PAX7: variants seen among roughly 807,000 people sequenced by gnomAD.
PAX7 encodes paired box 7, also known as paired box protein Pax-7.
A neutral mutation model predicts 50.7 loss-of-function variants in PAX7; 18 were observed. The observed-to-expected ratio is 0.36, with a 90% CI of 0.25 to 0.53. The LOEUF is 0.53. Ranked by LOEUF, PAX7 falls within the 20% of genes least tolerant of loss-of-function variation. The probability of loss-of-function intolerance (pLI) is 0.93; values close to 1 mark genes in which losing one functional copy is unlikely to be tolerated. For missense variants in PAX7, 644 were observed against 702.9 expected (o/e 0.92, Z 0.95); for synonymous variants, 310 against 290.4 (o/e 1.07, Z -0.69).
Position 18,635,099 on chromosome 1 carries a change from C to T in PAX7, c.322-12C>T. 1 of 1,613,388 alleles carries T rather than the reference C, an allele frequency of 6.2e-7. No homozygotes were observed. Among genetic ancestry groups the T allele is most frequent in the Non-Finnish European group, 8.5e-7 (1 of 1,179,592 alleles). ...TCTTTCCACTCCTACTCTCCCACCTCCACCTCTGAAGCAGGTGGCGACTCC... is the reference window on the plus strand; with the variant it reads ...TCTTTCCACTCCTACTCTCCCACCTTCACCTCTGAAGCAGGTGGCGACTCC... On this transcript the variant is annotated splice_polypyrimidine_tract_variant and intron_variant, in intron 2 of 8. Transcript: ENST00000420770.
chr1:18,717,904 G>T (rs554655389), intron 7 of PAX7, among the ~76,000 whole-genome samples: 2 of 152,296 alleles, frequency 1.3e-5, no homozygotes, highest in East Asian at 3.9e-4. Context: ...GCCTAGGGAG[G>T]GTCTGCAGCC....
At chr1:18,714,961 G>C (rs2089400016) in intron 7 of PAX7, among the ~76,000 whole-genome samples, 1 of 152,254 alleles carries the variant, frequency 6.6e-6, no homozygotes, top group Non-Finnish European at 1.5e-5. Context: ...AATTAATACA[G>C]CAGGCAGACT....
intron 4 of PAX7, among the ~76,000 whole-genome samples, chr1:18,657,649 A>C (rs1389666176): frequency 1.3e-5 from 2 of 152,188 alleles, no homozygotes; most frequent in Non-Finnish European, 2.9e-5. Flanking sequence ...GGGAAGCAGA[A>C]TTCAGGGGCC....
At chr1:18,672,600 T>G (rs1051161725) in intron 4 of PAX7, among the ~76,000 whole-genome samples, 2 of 146,734 alleles carry the variant, frequency 1.4e-5, no homozygotes, top group African/African-American at 2.6e-5. Flanking sequence ...CACTGTGTTT[T>G]TTTTTTTTTT....
At position 18,748,359 on chromosome 1, in the gene PAX7, A is replaced by G. The variant is rs57345079; in HGVS notation, c.*3430A>G. 9.7e-3 allele frequency: 2,231 copies of G among 229,956 alleles called. 48 individuals carry two copies. The highest frequency in any genetic ancestry group is 0.045 in the African/African-American group (2,054 of 45,230). The allele number at this position is 229,956 out of a possible 1,614,324, so 14.2% of individuals were successfully genotyped here. ...CCTCTCTCAGGCTGATGTTCTTCTC[A>G]TCAAGCTCCCGAATGTGTCTCGCAC... On this transcript the variant is annotated 3_prime_UTR_variant, in exon 9 of 9. Transcript: ENST00000420770.
intron 8 of PAX7, 62 bp from the exon 9 acceptor site, chr1:18,744,752 A>G (rs1931354772): frequency 1.1e-6 from 1 of 879,050 alleles, no homozygotes; most frequent in African/African-American, 1.7e-5. Flanking sequence ...GTGTAGATAG[A>G]GTGAATGGAA....
intron 4 of PAX7, among the ~76,000 whole-genome samples, chr1:18,657,375 A>T (rs990030753): frequency 4.0e-5 from 6 of 151,870 alleles, no homozygotes; most frequent in African/African-American, 9.7e-5. Flanking sequence ...AGGAGGAAAA[A>T]CTGGCCCCAT....
At chr1:18,655,425 A>C (rs1002065878) in intron 4 of PAX7, among the ~76,000 whole-genome samples, 3 of 152,218 alleles carry the variant, frequency 2.0e-5, no homozygotes, top group African/African-American at 7.2e-5. Flanking sequence ...GAAGGGGGCC[A>C]ACCGGGATGA....
intron 5 of PAX7, among the ~76,000 whole-genome samples, 155 bp downstream of exon 5, chr1:18,692,108 CAG>C (rs1016076825): frequency 8.6e-5 from 13 of 151,878 alleles, no homozygotes; most frequent in Non-Finnish European, 1.5e-4. Context: ...GCATTTGATG[CAG>C]AGTTAGTTGG....
chr1:18,663,648 C>T (rs2088629938), intron 4 of PAX7, among the ~76,000 whole-genome samples: 1 of 152,234 alleles, frequency 6.6e-6, no homozygotes, highest in Non-Finnish European at 1.5e-5. Context: ...TCCCAAAGTG[C>T]TGGGCTTACA....
intron 7 of PAX7, among the ~76,000 whole-genome samples, chr1:18,721,009 C>T (rs1213817971): frequency 2.0e-5 from 3 of 152,052 alleles, no homozygotes; most frequent in Non-Finnish European, 4.4e-5. Flanking sequence ...ACCACCTGCT[C>T]CCCCATGTTG....
chr1:18,672,376 C>CT (rs551856258), intron 4 of PAX7, among the ~76,000 whole-genome samples: 7 of 151,994 alleles, frequency 4.6e-5, no homozygotes, highest in Non-Finnish European at 7.4e-5. Flanking sequence ...AAAATATCAA[C>CT]TTTTTTTTGT....
At chr1:18,727,004 A>G (rs1385670329) in intron 7 of PAX7, among the ~76,000 whole-genome samples, 1 of 152,248 alleles carries the variant, frequency 6.6e-6, no homozygotes, top group African/African-American at 2.4e-5. Flanking sequence ...TGCCCTATAC[A>G]TGTGCAGTGC....
chr1:18,746,086 G>C lies in PAX7; in HGVS notation c.*1157G>C, dbSNP rs1297968415. On this transcript the variant is annotated 3_prime_UTR_variant, in exon 9 of 9. Coordinates refer to ENST00000420770, the MANE Select transcript of PAX7 (RefSeq NM_001135254.2). ...CCCTTTCAGTTTGTGGGGATGCAGA[G>C]AGCTACCCTCAGAGCTTTGGAGGAG... is the stretch of plus-strand genomic sequence containing the variant. 1 of 231,864 alleles carries C rather than the reference G, an allele frequency of 4.3e-6. No individual in the cohort carries two copies. Among genetic ancestry groups the C allele is most frequent in the Non-Finnish European group, 8.5e-6 (1 of 117,272 alleles). 14.4% of individuals were successfully genotyped at this position (231,864 alleles called of 1,614,324 possible). A position where few individuals can be genotyped will look rare whatever the true frequency, so the allele number is the denominator to read the frequency against.
intron 7 of PAX7, among the ~76,000 whole-genome samples, chr1:18,715,158 C>G (rs11587529): frequency 0.038 from 5,854 of 152,182 alleles, 174 homozygotes; most frequent in South Asian, 0.11. Flanking sequence ...CTCCCTTGGC[C>G]GGGAACACCT....
At position 18,745,006 on chromosome 1, in the gene PAX7, C is replaced by A; in HGVS notation, c.*77C>A. ...CCCCTGAGCTTCCCAGCCTTGCCGCCTCACCCCCCTGTTGTCCTAGGAGGC... is the reference window on the plus strand; with the variant it reads ...CCCCTGAGCTTCCCAGCCTTGCCGCATCACCCCCCTGTTGTCCTAGGAGGC... On this transcript the variant is annotated 3_prime_UTR_variant, in exon 9 of 9. Transcript: ENST00000420770. The A allele has an allele frequency of 1.2e-6, 1 of 829,090 alleles. No homozygotes were observed. The highest frequency in any genetic ancestry group is 1.5e-5 in the South Asian group (1 of 64,550). 51.4% of individuals were successfully genotyped at this position (829,090 alleles called of 1,614,324 possible). A position where few individuals can be genotyped will look rare whatever the true frequency, so the allele number is the denominator to read the frequency against.
chr1:18,646,887 C>T (rs2088349520), intron 4 of PAX7, among the ~76,000 whole-genome samples: 1 of 145,818 alleles, frequency 6.9e-6, no homozygotes, highest in African/African-American at 2.5e-5. Context: ...CGCGGGGCGG[C>T]GCGGCGCGGG....
intron 7 of PAX7, among the ~76,000 whole-genome samples, chr1:18,728,814 G>A (rs1024842371): frequency 7.3e-5 from 11 of 150,514 alleles, no homozygotes; most frequent in East Asian, 2.0e-4. Flanking sequence ...GCGGTGAGCC[G>A]AGATCACACC....
chr1:18,688,704 C>G (rs1290406219), intron 4 of PAX7, among the ~76,000 whole-genome samples: 1 of 152,044 alleles, frequency 6.6e-6, no homozygotes, highest in Non-Finnish European at 1.5e-5. Flanking sequence ...AGTTCAAGAC[C>G]AGAGTTCGAG....
Sources: gnomAD v4.1 joint callset for allele counts (sites outside exome capture counted in the v4.1 genomes callset) on GRCh38, gnomAD v4.1.1 for gene constraint, MANE v1.5 for transcripts, NCBI Gene and HGNC (gene_info 2026-07-23, HGNC 2026-07-21) for gene names.